Variants in PRDM16 observed in about 807,000 individuals in gnomAD.
PRDM16 encodes histone-lysine N-methyltransferase PRDM16.
A neutral mutation model predicts 110.6 loss-of-function variants in PRDM16; 23 were observed. That is an observed-to-expected ratio of 0.21 (90% confidence interval 0.15 to 0.29). PRDM16 has a LOEUF of 0.29. PRDM16 is among the 10% of genes least tolerant of loss of function. The pLI is 1.00. For synonymous variants in PRDM16, 799 were observed against 781.8 expected (o/e 1.02, Z -0.37); for missense variants, 1,615 against 1,794.3 (o/e 0.90, Z 1.81).
At chr1:3,086,725 C>T (rs1642160340) in intron 1 of PRDM16, among the ~76,000 whole-genome samples, 2 of 152,178 alleles carry the variant, frequency 1.3e-5, no homozygotes, top group Non-Finnish European at 1.5e-5. Context: ...TGCTTCCTTT[C>T]GGAGCTAACG....
At chr1:3,142,702 G>A (rs1024469362) in intron 1 of PRDM16, among the ~76,000 whole-genome samples, 4 of 152,172 alleles carry the variant, frequency 2.6e-5, no homozygotes, top group African/African-American at 9.7e-5. Context: ...TCCCCCGAGA[G>A]CGGGTAATTA....
intron 3 of PRDM16, among the ~76,000 whole-genome samples, chr1:3,291,567 C>T (rs1640973472): frequency 6.6e-6 from 1 of 151,842 alleles, no homozygotes; most frequent in Non-Finnish European, 1.5e-5. Context: ...CCACACTCCT[C>T]CCGCCCCTGC....
intron 2 of PRDM16, among the ~76,000 whole-genome samples, chr1:3,210,604 T>G (rs957774387): frequency 2.0e-5 from 3 of 152,260 alleles, no homozygotes; most frequent in African/African-American, 7.2e-5. Flanking sequence ...GCACATGTTC[T>G]AAGTTGAGGG....
intron 2 of PRDM16, chr1:3,207,691 A>G (rs1638785712): frequency 1.3e-5 from 2 of 152,272 alleles, no homozygotes; most frequent in Admixed American, 1.3e-4. Flanking sequence ...GGAGCTGAGG[A>G]AAGGAGTTCC....
chr1:3,336,684 GTT>G (rs1052122849), intron 3 of PRDM16, among the ~76,000 whole-genome samples: 1 of 150,642 alleles, frequency 6.6e-6, no homozygotes, highest in Non-Finnish European at 1.5e-5. Flanking sequence ...ACACATATGT[GTT>G]TTTGTGAATC....
chr1:3,131,657 G>A (rs1203140829), intron 1 of PRDM16, among the ~76,000 whole-genome samples: 2 of 152,250 alleles, frequency 1.3e-5, no homozygotes, highest in East Asian at 3.9e-4. Context: ...GGAAAAGCGA[G>A]GGTTGGTCAC....
chr1:3,078,774 A>G (rs545726886), intron 1 of PRDM16, among the ~76,000 whole-genome samples: 150 of 152,344 alleles, frequency 9.8e-4, no homozygotes, highest in African/African-American at 3.5e-3. Flanking sequence ...TGCCCGTGAC[A>G]TGGTTGAATC....
chr1:3,239,197 G>A (rs1639607069), intron 2 of PRDM16, among the ~76,000 whole-genome samples: 1 of 152,340 alleles, frequency 6.6e-6, no homozygotes, highest in African/African-American at 2.4e-5. Context: ...GGATGTGTGG[G>A]TGGCCGTGGA....
chr1:3,433,270 C>T (rs992883041), intron 16 of PRDM16, among the ~76,000 whole-genome samples: 6 of 152,274 alleles, frequency 3.9e-5, no homozygotes, highest in African/African-American at 9.6e-5. Context: ...CCCGCCGTCA[C>T]GCCTGCTCAT....
At chr1:3,111,323 G>A (rs1163501208) in intron 1 of PRDM16, among the ~76,000 whole-genome samples, 3 of 152,086 alleles carry the variant, frequency 2.0e-5, no homozygotes, top group Non-Finnish European at 4.4e-5. Flanking sequence ...CCTGCACTGG[G>A]CAGTGGGGGA....
chr1:3,402,195 G>C (rs952688569), intron 5 of PRDM16, among the ~76,000 whole-genome samples: 2 of 152,166 alleles, frequency 1.3e-5, no homozygotes, highest in Non-Finnish European at 2.9e-5. Context: ...CATCTTGTTG[G>C]GGGGGTCTCC....
intron 1 of PRDM16, among the ~76,000 whole-genome samples, chr1:3,076,223 G>GGT (rs1641896643): frequency 6.6e-6 from 1 of 152,182 alleles, no homozygotes; most frequent in Non-Finnish European, 1.5e-5. Flanking sequence ...TGTGTGTCCA[G>GGT]GTGTGCGTGT....
intron 1 of PRDM16, among the ~76,000 whole-genome samples, chr1:3,093,685 G>A (rs1309128341): frequency 1.3e-5 from 2 of 152,190 alleles, no homozygotes; most frequent in Non-Finnish European, 2.9e-5. Flanking sequence ...CAGACCCTAG[G>A]AAAGGGGTGA....
Position 3,425,398 on chromosome 1 carries a change from C to A in PRDM16, c.2940-183C>A. 1 of 596,892 alleles carries A rather than the reference C, an allele frequency of 1.7e-6. No individual in the cohort carries two copies. The highest frequency in any genetic ancestry group is 2.1e-5 in the South Asian group (1 of 47,288). 37.0% of individuals were successfully genotyped at this position (596,892 alleles called of 1,614,324 possible). A position where few individuals can be genotyped will look rare whatever the true frequency, so the allele number is the denominator to read the frequency against. Reference sequence around the variant, plus strand: ...TTGAAGCCGGGGCTGTTTCTAGGGACAGCTTCCCCAGGATGCCTTTGGCTC... The same window carrying A: ...TTGAAGCCGGGGCTGTTTCTAGGGAAAGCTTCCCCAGGATGCCTTTGGCTC... On this transcript the variant is annotated intron_variant, in intron 12 of 16. Coordinates refer to ENST00000270722, the MANE Select transcript of PRDM16 (RefSeq NM_022114.4). This position sits in a 1 kb window ranked among gnomAD's most constrained non-coding sequence, Gnocchi z 6.9.
intron 1 of PRDM16, among the ~76,000 whole-genome samples, chr1:3,074,000 C>T (rs1211860194): frequency 6.6e-6 from 1 of 152,198 alleles, no homozygotes; most frequent in Non-Finnish European, 1.5e-5. Context: ...CGCGGGAGCG[C>T]GCGCCGCCTG....
At position 3,437,086 on chromosome 1, in the gene PRDM16, A is replaced by G. The variant is rs1449923727; in HGVS notation, c.*3275A>G. On this transcript the variant is annotated 3_prime_UTR_variant, in exon 17 of 17. Coordinates refer to ENST00000270722, the MANE Select transcript of PRDM16 (RefSeq NM_022114.4). ...CTTCATGAGTGGGACCCAAGATATC[A>G]CTGACTTCAACCCAGAGGATCGAGC... is the stretch of plus-strand genomic sequence containing the variant. 1 of 232,396 alleles carries G rather than the reference A, an allele frequency of 4.3e-6. No individual in the cohort carries two copies. The highest frequency in any genetic ancestry group is 2.2e-5 in the African/African-American group (1 of 45,242). 14.4% of individuals were successfully genotyped at this position (232,396 alleles called of 1,614,324 possible).
chr1:3,412,633 T>A lies in PRDM16; in HGVS notation c.2436T>A (p.Arg812=), dbSNP rs1287494453. 8 of 1,578,444 alleles carry A rather than the reference T, an allele frequency of 5.1e-6. No homozygotes were observed. Among genetic ancestry groups the A allele is most frequent in the Non-Finnish European group, 6.9e-6 (8 of 1,161,714 alleles). ...ACCTGAGCATCGGCAGCCGGGCCCG[T>A]GCCAGCCAAAACGGCGGCGGGCGGG... ...PLDLSIGSRA[R]ASQNGGGREP... The change falls in exon 9 of 17, where the codon CGT becomes CGA. Residue 812 remains arginine (R), a synonymous_variant. Transcript: ENST00000270722.
At chr1:3,220,008 C>G (rs1639117522) in intron 2 of PRDM16, among the ~76,000 whole-genome samples, 1 of 152,208 alleles carries the variant, frequency 6.6e-6, no homozygotes. Flanking sequence ...TAATGAGCCT[C>G]TCCTGAAAAC....
intron 3 of PRDM16, among the ~76,000 whole-genome samples, chr1:3,248,093 G>A (rs1639836553): frequency 6.6e-6 from 1 of 152,242 alleles, no homozygotes; most frequent in South Asian, 2.1e-4. Flanking sequence ...AAAATGGATG[G>A]AAGACATTAT....
Sources: allele counts gnomAD v4.1 joint callset (sites outside exome capture counted in the v4.1 genomes callset), GRCh38; gene constraint gnomAD v4.1.1; non-coding constraint Gnocchi (gnomAD v3.1); transcripts MANE v1.5; gene names NCBI Gene and HGNC (gene_info 2026-07-23, HGNC 2026-07-21).